The following RAP1B variants were observed in gnomAD, a reference collection of about 807,000 sequenced individuals.
The protein encoded by RAP1B is ras-related protein Rap-1b.
A neutral mutation model predicts 27.5 loss-of-function variants in RAP1B; 1 was observed. The observed-to-expected ratio is 0.04, with a 90% CI of 0.01 to 0.17. RAP1B has a LOEUF of 0.17. RAP1B is among the 10% of genes least tolerant of loss of function. The pLI is 1.00. For missense variants in RAP1B, 84 were observed against 214.8 expected (o/e 0.39, Z 3.81); for synonymous variants, 75 against 73.1 (o/e 1.03, Z -0.13).
At chr12:68,624,513 AC>A (rs1291642224) in intron 1 of RAP1B, 2 of 152,170 alleles carry the variant, frequency 1.3e-5, no homozygotes, top group Non-Finnish European at 2.9e-5. Context: ...CTCAGACCAG[AC>A]ACGGTGGCTC....
rs1396981494 is a variant in RAP1B, at chr12:68,663,867, C to T, written c.*4618C>T. The T allele has an allele frequency of 6.6e-6, 1 of 152,144 alleles. No individual in the cohort carries two copies. The highest frequency in any genetic ancestry group is 1.5e-5 in the Non-Finnish European group (1 of 68,032). The allele number at this position is 152,144 out of a possible 1,614,324, so 9.4% of individuals were successfully genotyped here. A position where few individuals can be genotyped will look rare whatever the true frequency, so the allele number is the denominator to read the frequency against. ...GAAAACACACAGCAAATGAACAAAG[C>T]TCTATTGGTAACAGTCTGTTAAACT... On this transcript the variant is annotated 3_prime_UTR_variant, in exon 8 of 8. Transcript: ENST00000250559.
intron 1 of RAP1B, among the ~76,000 whole-genome samples, chr12:68,614,047 TC>T (rs1293526827): frequency 5.3e-5 from 8 of 152,250 alleles, no homozygotes; most frequent in African/African-American, 1.9e-4. Context: ...AATTGTATCT[TC>T]CTATCTAATT....
At chr12:68,651,541 T>G (rs1019941682) in intron 3 of RAP1B, 1 of 156,732 alleles carries the variant, frequency 6.4e-6, no homozygotes, top group African/African-American at 2.4e-5. Flanking sequence ...TGCCACTGCT[T>G]CCTTAATTCC....
intron 2 of RAP1B, 125 bp downstream of exon 2, chr12:68,648,906 A>G: frequency 2.3e-6 from 2 of 864,188 alleles, no homozygotes; most frequent in Non-Finnish European, 3.5e-6. Context: ...GCAATATAAT[A>G]TTTTTCTTGT....
At chr12:68,641,043 C>CA (rs1221954925) in intron 1 of RAP1B, 1 of 152,178 alleles carries the variant, frequency 6.6e-6, no homozygotes, top group Non-Finnish European at 1.5e-5. Flanking sequence ...GACAGGGTCT[C>CA]ACTTGTCACC....
chr12:68,655,587 G>A lies in RAP1B; in HGVS notation c.325-719G>A, dbSNP rs560365638. The stretch of plus-strand genomic sequence containing the variant: ...GTCTCACCCTGTCGCCCAGGCTGGA[G>A]TGCAATGGCACGATCTCAGCTCACT... On this transcript the variant is annotated intron_variant, in intron 5 of 7. Transcript: ENST00000250559. 3.4e-5 allele frequency among the ~76,000 whole-genome samples: 5 copies of A among 147,566 alleles called. No homozygotes were observed. In the South Asian group the frequency reaches 1.1e-3, roughly 31 times the overall value.
In RAP1B at chr12:68,660,252, A is replaced by G. The variant is rs1295404965; in HGVS notation, c.*1003A>G. ...GAATGTGGGAAGTAATTTTAATCATATGTAATTGGTCACAAGGCCTAATTT... is the reference window on the plus strand; with the variant it reads ...GAATGTGGGAAGTAATTTTAATCATGTGTAATTGGTCACAAGGCCTAATTT... On this transcript the variant is annotated 3_prime_UTR_variant, in exon 8 of 8. Transcript: ENST00000250559. The G allele has an allele frequency of 7.6e-6, 1 of 131,692 alleles. No homozygotes were observed. The highest frequency in any genetic ancestry group is 3.0e-5 in the African/African-American group (1 of 33,896). The allele number at this position is 131,692 out of a possible 1,614,324, so 8.2% of individuals were successfully genotyped here.
At chr12:68,658,173 A>G (rs1222879715) in intron 7 of RAP1B, among the ~76,000 whole-genome samples, 3 of 152,128 alleles carry the variant, frequency 2.0e-5, no homozygotes, top group South Asian at 4.1e-4. Flanking sequence ...ATTTCTTCCT[A>G]TGTTAATTGA....
At chr12:68,623,482 C>T (rs1871526825) in intron 1 of RAP1B, among the ~76,000 whole-genome samples, 1 of 151,940 alleles carries the variant, frequency 6.6e-6, no homozygotes, top group African/African-American at 2.4e-5. Flanking sequence ...ACCTTTGGTG[C>T]CAGGTATTTT....
intron 6 of RAP1B, 164 bp downstream of exon 6, chr12:68,656,613 C>G: frequency 1.6e-6 from 1 of 643,410 alleles, no homozygotes; most frequent in South Asian, 1.9e-5. Flanking sequence ...AGTAAATAAA[C>G]AATACTATTT....
chr12:68,622,657 A>G (rs1336268201), intron 1 of RAP1B, among the ~76,000 whole-genome samples: 3 of 152,196 alleles, frequency 2.0e-5, no homozygotes, highest in East Asian at 3.8e-4. Flanking sequence ...ATCATAATCA[A>G]TAATTATATT....
At chr12:68,648,659 A>G in intron 1 of RAP1B, 40 bp from the exon 2 acceptor site, 1 of 1,454,368 alleles carries the variant, frequency 6.9e-7, no homozygotes, top group Non-Finnish European at 9.5e-7. Flanking sequence ...GGAATACACA[A>G]CTTTACTTAG....
At chr12:68,640,610 G>A (rs1180100724) in intron 1 of RAP1B, among the ~76,000 whole-genome samples, 1 of 152,050 alleles carries the variant, frequency 6.6e-6, no homozygotes, top group Non-Finnish European at 1.5e-5. Flanking sequence ...ATAAATCTCA[G>A]CATCAAATAA....
chr12:68,632,066 TC>T (rs1360885893), intron 1 of RAP1B, among the ~76,000 whole-genome samples: 9 of 151,868 alleles, frequency 5.9e-5, no homozygotes, highest in African/African-American at 2.2e-4. Flanking sequence ...TTTTTCTTTT[TC>T]TTTTTAAAGA....
At chr12:68,641,904 GT>G (rs1444188899) in intron 1 of RAP1B, among the ~76,000 whole-genome samples, 1 of 152,102 alleles carries the variant, frequency 6.6e-6, no homozygotes, top group Non-Finnish European at 1.5e-5. Flanking sequence ...CTTAGATTGT[GT>G]TGGAGAGGCA....
Position 68,648,796 on chromosome 12 carries a change from C to A in RAP1B, c.57+15C>A. On this transcript the variant is annotated intron_variant, in intron 2 of 7. Coordinates refer to ENST00000250559, the MANE Select transcript of RAP1B (RefSeq NM_001010942.3). ...AGTCTGCTTTGGTAAGTCATTCTTA[C>A]TTTACCTAAGCCTTTCACTCCAAGA... 1.2e-6 allele frequency: 2 copies of A among 1,603,738 alleles called. No homozygotes were observed. Among genetic ancestry groups the A allele is most frequent in the South Asian group, 1.1e-5 (1 of 89,594 alleles).
At chr12:68,636,103 G>A (rs558165105) in intron 1 of RAP1B, among the ~76,000 whole-genome samples, 6 of 149,396 alleles carry the variant, frequency 4.0e-5, no homozygotes, top group Admixed American at 6.7e-5. Flanking sequence ...CAGGCTGGTC[G>A]CAAACTCCTG....
rs1874586447 is a variant in RAP1B at position 68,661,398 on chromosome 12, TCAAA to T, written c.*2152_*2155del. On this transcript the variant is annotated 3_prime_UTR_variant, in exon 8 of 8. Coordinates refer to ENST00000250559, the MANE Select transcript of RAP1B (RefSeq NM_001010942.3). ...CTATGTACCAGGCCCAGTTCTAGGC[TCAAA>T]CAGCTAAATATTCATTCATTGGACA... The T allele has an allele frequency of 6.6e-6, 1 of 152,170 alleles. No individual in the cohort carries two copies. The highest frequency in any genetic ancestry group is 2.4e-5 in the African/African-American group (1 of 41,432). 9.4% of individuals were successfully genotyped at this position (152,170 alleles called of 1,614,324 possible).
At chr12:68,615,450 G>A (rs946000224) in intron 1 of RAP1B, among the ~76,000 whole-genome samples, 1 of 151,976 alleles carries the variant, frequency 6.6e-6, no homozygotes, top group Non-Finnish European at 1.5e-5. Flanking sequence ...TTACCTGGGC[G>A]TAGTGGGAGG....
Sources: gnomAD v4.1 joint callset for allele counts (sites outside exome capture counted in the v4.1 genomes callset) on GRCh38, gnomAD v4.1.1 for gene constraint, MANE v1.5 for transcripts, NCBI Gene and HGNC (gene_info 2026-07-23, HGNC 2026-07-21) for gene names.